GALNT13: variants seen among roughly 807,000 people sequenced by gnomAD.
The protein encoded by GALNT13 is polypeptide N-acetylgalactosaminyltransferase 13, also known as UDP-GalNAc:polypeptide N-acetylgalactosaminyltransferase 13.
A neutral mutation model predicts 64.2 loss-of-function variants in GALNT13; 28 were observed. That is an observed-to-expected ratio of 0.44 (90% CI 0.32 to 0.60). GALNT13 has a LOEUF of 0.60. GALNT13 is among the 20% of genes least tolerant of loss of function. The pLI, the probability that GALNT13 is intolerant of heterozygous loss-of-function variation, is 0.05. For synonymous variants in GALNT13, 214 were observed against 224.6 expected, an observed-to-expected ratio of 0.95 and a Z score of 0.42; for missense variants, 577 against 669.8, an observed-to-expected ratio of 0.86 and a Z score of 1.53.
At chr2:153,223,129 A>G in the GALNT13 span, among the ~76,000 whole-genome samples, 2 of 152,204 alleles carry the variant, frequency 1.3e-5, no homozygotes, top group African/African-American at 2.4e-5. Context: ...AGATAAAACA[A>G]TCTTAAATAT....
the GALNT13 span, among the ~76,000 whole-genome samples, chr2:153,696,910 A>G: frequency 6.6e-6 from 1 of 152,170 alleles, no homozygotes; most frequent in Non-Finnish European, 1.5e-5. Flanking sequence ...CCTTGTTTCT[A>G]ATCTAGATTC....
chr2:153,545,091 G>A, the GALNT13 span, among the ~76,000 whole-genome samples: 1 of 152,098 alleles, frequency 6.6e-6, no homozygotes, highest in Non-Finnish European at 1.5e-5. Context: ...ATTTGGCTTT[G>A]AGTAGCAAAG....
the GALNT13 span, among the ~76,000 whole-genome samples, chr2:153,346,736 A>C: frequency 6.6e-6 from 1 of 152,202 alleles, no homozygotes; most frequent in Admixed American, 6.5e-5. Context: ...TTATTTCATA[A>C]CTTTTGAAAT....
the GALNT13 span, among the ~76,000 whole-genome samples, chr2:153,695,247 T>C: frequency 3.3e-5 from 5 of 152,278 alleles, no homozygotes; most frequent in East Asian, 5.8e-4. Context: ...CAGAGGAAAT[T>C]AGATATTCAG....
At chr2:153,717,361 T>C in the GALNT13 span, among the ~76,000 whole-genome samples, 1 of 152,264 alleles carries the variant, frequency 6.6e-6, no homozygotes, top group Admixed American at 6.5e-5. Context: ...TTTCTGCTAC[T>C]GCTGTGGCAT....
chr2:154,242,313 A>C lies in GALNT13; in HGVS notation c.478+117A>C, dbSNP rs1689536998. 1.3e-5 allele frequency: 11 copies of C among 871,674 alleles called. No homozygotes were observed. In the South Asian group the frequency reaches 2.0e-4, roughly 16 times the overall value. 54.0% of individuals were successfully genotyped at this position (871,674 alleles called of 1,614,324 possible). On this transcript the variant is annotated intron_variant, in intron 5 of 12. Transcript: ENST00000392825. ...TAACTAGGCAATGATCTATATTTGCATTATAATTTTACTAGCCCTGCCACA... is the reference window on the plus strand; with the variant it reads ...TAACTAGGCAATGATCTATATTTGCCTTATAATTTTACTAGCCCTGCCACA...
At chr2:153,984,062 T>G (rs956562652) in intron 3 of GALNT13, among the ~76,000 whole-genome samples, 11 of 106,666 alleles carry the variant, frequency 1.0e-4, no homozygotes, top group African/African-American at 4.2e-4. Flanking sequence ...TTAAGTGAAA[T>G]CCATTCAGTG....
chr2:153,679,109 T>G, the GALNT13 span, among the ~76,000 whole-genome samples: 1 of 151,946 alleles, frequency 6.6e-6, no homozygotes. Context: ...GGGTTCTTGT[T>G]TGTCCTCATG....
intron 9 of GALNT13, among the ~76,000 whole-genome samples, chr2:154,358,256 A>G (rs975179436): frequency 6.6e-6 from 1 of 152,132 alleles, no homozygotes; most frequent in Non-Finnish European, 1.5e-5. Context: ...TCTTTTAGCA[A>G]CACACATCTT....
the GALNT13 span, among the ~76,000 whole-genome samples, chr2:153,263,498 A>G: frequency 6.6e-6 from 1 of 152,070 alleles, no homozygotes; most frequent in Non-Finnish European, 1.5e-5. Flanking sequence ...AAGAGAATCA[A>G]TAGCAAAAAG....
At chr2:153,072,390 C>T in the GALNT13 span, among the ~76,000 whole-genome samples, 5,361 of 152,226 alleles carry the variant, frequency 0.035, 197 homozygotes, top group East Asian at 0.17. Context: ...TCTAAGTTTA[C>T]CAACTACACA....
intron 3 of GALNT13, among the ~76,000 whole-genome samples, chr2:154,010,698 T>G (rs940834170): frequency 9.9e-5 from 15 of 152,126 alleles, no homozygotes; most frequent in Non-Finnish European, 2.1e-4. Flanking sequence ...TAGAATTCAG[T>G]TGTGAGTCAA....
At chr2:153,532,088 G>A in the GALNT13 span, among the ~76,000 whole-genome samples, 1 of 151,970 alleles carries the variant, frequency 6.6e-6, no homozygotes, top group African/African-American at 2.4e-5. Context: ...TGCCCCAGTG[G>A]GGGCTCTGTT....
chr2:153,613,541 C>T, the GALNT13 span, among the ~76,000 whole-genome samples: 4 of 152,040 alleles, frequency 2.6e-5, no homozygotes, highest in African/African-American at 9.7e-5. Context: ...TCTAAAGAGG[C>T]AGATTCTGTG....
intron 3 of GALNT13, among the ~76,000 whole-genome samples, chr2:154,097,295 C>A (rs1357663459): frequency 6.6e-6 from 1 of 151,926 alleles, no homozygotes; most frequent in Non-Finnish European, 1.5e-5. Flanking sequence ...ATAAATAAAA[C>A]CCACAATAAC....
At chr2:153,460,706 G>C in the GALNT13 span, among the ~76,000 whole-genome samples, 2 of 152,014 alleles carry the variant, frequency 1.3e-5, no homozygotes, top group Admixed American at 1.3e-4. Flanking sequence ...AAAATAGTAA[G>C]CAATAACAAA....
the GALNT13 span, among the ~76,000 whole-genome samples, chr2:153,817,489 A>G: frequency 2.6e-5 from 4 of 152,126 alleles, no homozygotes; most frequent in Non-Finnish European, 5.9e-5. Context: ...TTCAGCAAAA[A>G]TCCTGTTAGG....
the GALNT13 span, among the ~76,000 whole-genome samples, chr2:153,453,006 A>T: frequency 2.6e-5 from 4 of 152,198 alleles, no homozygotes; most frequent in Non-Finnish European, 5.9e-5. Flanking sequence ...CATCGAAGTT[A>T]ATAAGTGGAA....
the GALNT13 span, among the ~76,000 whole-genome samples, chr2:153,822,549 T>C: frequency 6.6e-6 from 1 of 151,996 alleles, no homozygotes; most frequent in African/African-American, 2.4e-5. Flanking sequence ...ATGATAAAAA[T>C]CCTGAACAAA....
Sources: gnomAD v4.1 joint callset for allele counts (sites outside exome capture counted in the v4.1 genomes callset) on GRCh38, gnomAD v4.1.1 for gene constraint, MANE v1.5 for transcripts, NCBI Gene and HGNC (gene_info 2026-07-23, HGNC 2026-07-21) for gene names.